FGF5: variants seen among roughly 807,000 people sequenced by gnomAD.
FGF5 encodes the protein heparin-binding growth factor 5.
FGF5 carries 23 observed loss-of-function variants against 21.8 expected under a neutral mutation model. That is an observed-to-expected ratio of 1.05 (90% CI 0.76 to 1.49). FGF5 has a LOEUF of 1.49. Among genes scored for constraint, FGF5 ranks in the 40% most tolerant of loss-of-function variants. FGF5 has a pLI of 0.00. For missense variants in FGF5, 352 were observed against 332.9 expected (o/e 1.06, Z -0.45); for synonymous variants, 158 against 124.0 (o/e 1.27, Z -1.82).
rs1230974664 is a variant in FGF5, at chr4:80,290,930, G to C, written c.*4258G>C. On this transcript the variant is annotated 3_prime_UTR_variant, in exon 3 of 3. Transcript: ENST00000312465. The stretch of plus-strand genomic sequence containing the variant: ...ATATGTGCCACATTTTCTTAATCCA[G>C]TCTATCATTGTTGGACATTTGGGTT... 2 of 152,084 alleles carry C rather than the reference G, an allele frequency of 1.3e-5. No individual in the cohort carries two copies. Among genetic ancestry groups the C allele is most frequent in the Non-Finnish European group, 2.9e-5 (2 of 68,030 alleles). 9.4% of individuals were successfully genotyped at this position (152,084 alleles called of 1,614,324 possible).
chr4:80,281,753 T>A (rs1179687908), intron 2 of FGF5, among the ~76,000 whole-genome samples: 1 of 152,222 alleles, frequency 6.6e-6, no homozygotes, highest in Non-Finnish European at 1.5e-5. Context: ...GAGATTTTTT[T>A]AAACAATATC....
intron 2 of FGF5, 150 bp from the exon 3 acceptor site, chr4:80,286,175 A>G: frequency 1.8e-6 from 1 of 550,458 alleles, no homozygotes; most frequent in Non-Finnish European, 3.2e-6. Context: ...GCAACTTTAA[A>G]ATAAGCAAAC....
At position 80,282,353 on chromosome 4, in the gene FGF5, C is replaced by CT. The variant is rs540752053; in HGVS notation, c.460-3962dup. Among the ~76,000 whole-genome samples the CT allele has an allele frequency of 3.6e-3, 535 of 147,940 alleles. 1 individual carries two copies. The highest frequency in any genetic ancestry group is 0.012 in the East Asian group (60 of 5,076). ...AAAATAGTTCGATTTGTTTAAAGTTCTTTTTTTTTTGTCAATTAGGAGTAT... is the reference window on the plus strand; with the variant it reads ...AAAATAGTTCGATTTGTTTAAAGTTCTTTTTTTTTTTGTCAATTAGGAGTAT... On this transcript the variant is annotated intron_variant, in intron 2 of 2. Coordinates refer to ENST00000312465, the MANE Select transcript of FGF5 (RefSeq NM_004464.4).
At position 80,288,202 on chromosome 4, in the gene FGF5, T is replaced by C. The variant is rs1219877101; in HGVS notation, c.*1530T>C. ...TAAAGTGTACTTATAAACTATTTTT[T>C]TCTTAAAGCAAACTATGATTTATTT... is the stretch of plus-strand genomic sequence containing the variant. On this transcript the variant is annotated 3_prime_UTR_variant, in exon 3 of 3. Transcript: ENST00000312465. The C allele has an allele frequency of 6.6e-6, 1 of 152,004 alleles. No individual in the cohort carries two copies. The highest frequency in any genetic ancestry group is 2.4e-5 in the African/African-American group (1 of 41,430). The allele number at this position is 152,004 out of a possible 1,614,324, so 9.4% of individuals were successfully genotyped here. A position where few individuals can be genotyped will look rare whatever the true frequency, so the allele number is the denominator to read the frequency against.
chr4:80,275,020 G>T lies in FGF5; in HGVS notation c.459+8G>T. 7.9e-7 allele frequency: 1 copy of T among 1,269,492 alleles called. No homozygotes were observed. The allele number at this position is 1,269,492 out of a possible 1,614,324, so 78.6% of individuals were successfully genotyped here. ...GGAAAACTCCATGCAAGTGTAAGTAGAACCACTTTATATTTGTTAAAGGTG... is the reference window on the plus strand; with the variant it reads ...GGAAAACTCCATGCAAGTGTAAGTATAACCACTTTATATTTGTTAAAGGTG... On this transcript the variant is annotated splice_region_variant and intron_variant, in intron 2 of 2. Transcript: ENST00000312465.
intron 2 of FGF5, among the ~76,000 whole-genome samples, chr4:80,275,587 A>C (rs1281404654): frequency 6.6e-6 from 1 of 152,034 alleles, no homozygotes; most frequent in Non-Finnish European, 1.5e-5. Context: ...TCTTAATACT[A>C]TGAAAACTAA....
intron 2 of FGF5, among the ~76,000 whole-genome samples, chr4:80,281,299 T>C (rs998962400): frequency 2.0e-5 from 3 of 152,090 alleles, no homozygotes; most frequent in African/African-American, 7.2e-5. Context: ...CAAGCAGGTC[T>C]AAAAGGAGGG....
At chr4:80,275,141 C>T (rs756857266) in intron 2 of FGF5, 129 bp downstream of exon 2, 32 of 460,162 alleles carry the variant, frequency 7.0e-5, no homozygotes, top group Non-Finnish European at 1.1e-4. Context: ...AGTATTTTTA[C>T]ATTTAACCAA....
At chr4:80,276,801 CA>C (rs1354804929) in intron 2 of FGF5, among the ~76,000 whole-genome samples, 1 of 147,136 alleles carries the variant, frequency 6.8e-6, no homozygotes, top group Non-Finnish European at 1.5e-5. Flanking sequence ...GAATTGAAAA[CA>C]ATGATTAAAC....
rs761442219 is a variant in FGF5, at chr4:80,286,393, A to C, written c.528A>C (p.Ser176=). 2.5e-6 allele frequency: 4 copies of C among 1,613,984 alleles called. No homozygotes were observed. The highest frequency in any genetic ancestry group is 3.4e-6 in the Non-Finnish European group (4 of 1,179,928). ...AAAATAGCTATAATACCTATGCCTC[A>C]GCAATACATAGAACTGAAAAAACAG... ...FQENSYNTYA[S]AIHRTEKTGR... The change falls in exon 3 of 3, where the codon TCA becomes TCC. Residue 176 remains serine (S), a synonymous_variant. Transcript: ENST00000312465.
rs139356908 is a variant in FGF5, at chr4:80,267,036, G to C, written c.212G>C (p.Gly71Ala). Residue 71 changes from glycine (G) to alanine (A), a missense_variant, in exon 1 of 3, where the codon GGA (glycine) becomes GCA (alanine). By Grantham distance (60) the Gly-to-Ala change is moderately conservative (BLOSUM62 0). Coordinates refer to ENST00000312465, the MANE Select transcript of FGF5 (RefSeq NM_004464.4). ...SSPAASLGSQ[G>A]SGLEQSSFQW... ...CCCGCAGCTTCTCTGGGCAGCCAAGGAAGTGGCTTGGAGCAGAGCAGTTTC... is the reference window on the plus strand; with the variant it reads ...CCCGCAGCTTCTCTGGGCAGCCAAGCAAGTGGCTTGGAGCAGAGCAGTTTC... 2.1e-5 allele frequency: 34 copies of C among 1,614,128 alleles called. No homozygotes were observed. Among genetic ancestry groups the C allele is most frequent in the Non-Finnish European group, 2.5e-5 (30 of 1,180,048 alleles).
At chr4:80,275,093 A>T (rs1720375818) in intron 2 of FGF5, 81 bp downstream of exon 2, 1 of 578,272 alleles carries the variant, frequency 1.7e-6, no homozygotes, top group Non-Finnish European at 2.9e-6. Context: ...CCAAATTCAT[A>T]GGTAAGAAAA....
In FGF5 at chr4:80,289,935, T is replaced by C. The variant is rs1449917546; in HGVS notation, c.*3263T>C. 1 of 152,160 alleles carries C rather than the reference T, an allele frequency of 6.6e-6. No individual in the cohort carries two copies. Among genetic ancestry groups the C allele is most frequent in the Non-Finnish European group, 1.5e-5 (1 of 68,020 alleles). 9.4% of individuals were successfully genotyped at this position (152,160 alleles called of 1,614,324 possible). A position where few individuals can be genotyped will look rare whatever the true frequency, so the allele number is the denominator to read the frequency against. On this transcript the variant is annotated 3_prime_UTR_variant, in exon 3 of 3. Transcript: ENST00000312465. ...ATTTCTTGTAGCTAAAAATAAAACATCATAAATCTGGTAGGTAAATTTCTT... is the reference window on the plus strand; with the variant it reads ...ATTTCTTGTAGCTAAAAATAAAACACCATAAATCTGGTAGGTAAATTTCTT...
At chr4:80,276,406 T>A (rs1248857886) in intron 2 of FGF5, among the ~76,000 whole-genome samples, 1 of 152,100 alleles carries the variant, frequency 6.6e-6, no homozygotes, top group Non-Finnish European at 1.5e-5. Context: ...AGTATAATAT[T>A]CATAGAAATA....
At position 80,288,793 on chromosome 4, in the gene FGF5, G is replaced by C. The variant is rs1339846043; in HGVS notation, c.*2121G>C. 6.6e-6 allele frequency: 1 copy of C among 152,498 alleles called. No homozygotes were observed. The highest frequency in any genetic ancestry group is 1.5e-5 in the Non-Finnish European group (1 of 68,000). 9.4% of individuals were successfully genotyped at this position (152,498 alleles called of 1,614,324 possible). A position where few individuals can be genotyped will look rare whatever the true frequency, so the allele number is the denominator to read the frequency against. On this transcript the variant is annotated 3_prime_UTR_variant, in exon 3 of 3. Coordinates refer to ENST00000312465, the MANE Select transcript of FGF5 (RefSeq NM_004464.4). ...TTGTATAGGCTAAATGTTGCTTGTAGGCTACATTAAACTCAAATGTAATAG... is the reference window on the plus strand; with the variant it reads ...TTGTATAGGCTAAATGTTGCTTGTACGCTACATTAAACTCAAATGTAATAG...
Position 80,269,621 on chromosome 4 carries a change from A to C in FGF5, c.355+2442A>C, listed in dbSNP as rs1273445283. On this transcript the variant is annotated intron_variant, in intron 1 of 2. Transcript: ENST00000312465. ...AGTGCCGACAAAAAGCTTAATTTAA[A>C]CTTTTTCCTAATTTATTCTTGTTTA... 3.3e-5 allele frequency among the ~76,000 whole-genome samples: 5 copies of C among 152,304 alleles called. 1 individual carries two copies. The South Asian group carries it at 1.0e-3, about 32-fold the overall frequency.
upstream of FGF5, chr4:80,266,593 A>C: frequency 2.1e-6 from 1 of 476,750 alleles, no homozygotes; most frequent in Non-Finnish European, 3.7e-6. Flanking sequence ...GGTGAGGGGA[A>C]GCTTCGCAGG....
intron 2 of FGF5, among the ~76,000 whole-genome samples, chr4:80,284,170 C>A (rs780500404): frequency 3.9e-5 from 6 of 152,162 alleles, no homozygotes; most frequent in Non-Finnish European, 7.3e-5. Context: ...TGCGGTGGCT[C>A]ACACCTGAAT....
chr4:80,286,179 A>G, intron 2 of FGF5, 146 bp from the exon 3 acceptor site: 3 of 558,816 alleles, frequency 5.4e-6, no homozygotes, highest in Non-Finnish European at 9.5e-6. Flanking sequence ...CTTTAAAATA[A>G]GCAAACATGT....
Sources: allele counts gnomAD v4.1 joint callset (sites outside exome capture counted in the v4.1 genomes callset), GRCh38; gene constraint gnomAD v4.1.1; transcripts MANE v1.5; gene names NCBI Gene and HGNC (gene_info 2026-07-23, HGNC 2026-07-21).